Variants in EHD4 observed in about 807,000 individuals in gnomAD.
The protein encoded by EHD4 is EH domain-containing protein 4.
Under a neutral mutation model 51.0 loss-of-function variants are expected in EHD4, and 37 were observed. The ratio of observed to expected loss-of-function variants is 0.73; its 90% CI spans 0.56 to 0.95. The LOEUF (loss-of-function observed/expected upper bound fraction) is 0.95. EHD4 is among the 40% of genes least tolerant of loss of function. The probability of loss-of-function intolerance (pLI) is 0.00; values close to 1 mark genes in which losing one functional copy is unlikely to be tolerated. For synonymous variants in EHD4, 297 were observed against 317.3 expected, an observed-to-expected ratio of 0.94 and a Z score of 0.68; for missense variants, 632 against 733.1, an observed-to-expected ratio of 0.86 and a Z score of 1.59.
At chr15:41,955,761 T>G (rs1400625154) in intron 1 of EHD4, among the ~76,000 whole-genome samples, 3 of 152,202 alleles carry the variant, frequency 2.0e-5, no homozygotes, top group African/African-American at 7.2e-5. Flanking sequence ...ATGCCCACTC[T>G]GTGAAACTCC....
intron 2 of EHD4, among the ~76,000 whole-genome samples, chr15:41,951,588 C>T (rs562167737): frequency 6.6e-6 from 1 of 152,244 alleles, no homozygotes; most frequent in Non-Finnish European, 1.5e-5. Flanking sequence ...TTTGAAAAAA[C>T]TGGCAGCTTA....
chr15:41,926,820 C>G (rs1389068119), intron 3 of EHD4, among the ~76,000 whole-genome samples: 1 of 152,162 alleles, frequency 6.6e-6, no homozygotes, highest in Non-Finnish European at 1.5e-5. Flanking sequence ...TTCCCTGTCT[C>G]CACACCCTTG....
chr15:41,910,478 T>C (rs2067542348), intron 4 of EHD4, among the ~76,000 whole-genome samples: 2 of 152,304 alleles, frequency 1.3e-5, no homozygotes, highest in South Asian at 2.1e-4. Context: ...CAGGCTGTCA[T>C]TGGAGGGGCG....
rs969019697 is a variant in EHD4 at position 41,955,679 on chromosome 15, A to G, written c.237-1739T>C. ...ACCTCTGTATCCCTAATAGCCTAGA[A>G]ATGTTCGTGTTGATCAATTCTTACA... On this transcript the variant is annotated intron_variant, in intron 1 of 5. Transcript: ENST00000220325. Among the ~76,000 whole-genome samples, 3 of 152,174 alleles carry G rather than the reference A, an allele frequency of 2.0e-5. No individual in the cohort carries two copies. In the East Asian group the frequency reaches 5.8e-4, roughly 29 times the overall value.
chr15:41,947,741 C>A (rs2067824873), intron 2 of EHD4, among the ~76,000 whole-genome samples: 3 of 152,172 alleles, frequency 2.0e-5, no homozygotes, highest in African/African-American at 7.2e-5. Context: ...CCTGGTTGCC[C>A]TATTAGATTG....
In EHD4 at chr15:41,898,956, AAAGT is replaced by A. The variant is rs1460704649; in HGVS notation, c.*1685_*1688del. 6.6e-6 allele frequency: 1 copy of A among 152,228 alleles called. No homozygotes were observed. Among genetic ancestry groups the A allele is most frequent in the Non-Finnish European group, 1.5e-5 (1 of 68,030 alleles). The allele number at this position is 152,228 out of a possible 1,614,324, so 9.4% of individuals were successfully genotyped here. A position where few individuals can be genotyped will look rare whatever the true frequency, so the allele number is the denominator to read the frequency against. ...CTGCTCTTAAAACTAAATTATGTAG[AAAGT>A]AAGCTAGGGAGTGTAAGGGTAGGCA... On this transcript the variant is annotated 3_prime_UTR_variant, in exon 6 of 6. Coordinates refer to ENST00000220325, the MANE Select transcript of EHD4 (RefSeq NM_139265.4).
intron 2 of EHD4, among the ~76,000 whole-genome samples, chr15:41,951,221 G>A (rs1438492093): frequency 6.6e-6 from 1 of 152,174 alleles, no homozygotes; most frequent in African/African-American, 2.4e-5. Flanking sequence ...TGTCACAGGG[G>A]TTCTGTGAGG....
chr15:41,921,369 C>G (rs1046315550), intron 3 of EHD4: 1 of 152,150 alleles, frequency 6.6e-6, no homozygotes, highest in Non-Finnish European at 1.5e-5. Context: ...AGAGGAATAT[C>G]AAAGACCTAC....
chr15:41,902,432 C>T (rs960382744), intron 5 of EHD4, among the ~76,000 whole-genome samples: 3 of 152,134 alleles, frequency 2.0e-5, no homozygotes, highest in African/African-American at 4.8e-5. Context: ...CTGCACCAGC[C>T]CCTGTTCTGG....
Position 41,900,716 on chromosome 15 carries a change from C to T in EHD4, c.1555G>A (p.Glu519Lys), listed in dbSNP as rs747383299. The T allele has an allele frequency of 5.6e-6, 9 of 1,610,636 alleles. No individual in the cohort carries two copies. The highest frequency in any genetic ancestry group is 1.7e-5 in the Admixed American group (1 of 60,022). Residue 519 changes from glutamate (E) to lysine (K), a missense_variant, in exon 6 of 6, where the codon GAG becomes AAG. Transcript: ENST00000220325. This position sits in a 1 kb window ranked among gnomAD's most constrained non-coding sequence, Gnocchi z 4.8. ...HLIKIKLDGY[E>K]LPSSLPPHLV... ...TGGGGGGGCAGGCTGCTGGGCAGCT[C>T]GTAGCCGTCGAGCTTGATCTTGATG...
rs113217983 is a variant in EHD4, at chr15:41,951,141, C to T, written c.413+2623G>A. Among the ~76,000 whole-genome samples, 1,061 of 152,264 alleles carry T rather than the reference C, an allele frequency of 7.0e-3. 14 individuals carry two copies. The highest frequency in any genetic ancestry group is 0.024 in the African/African-American group (1,003 of 41,552). On this transcript the variant is annotated intron_variant, in intron 2 of 5. Coordinates refer to ENST00000220325, the MANE Select transcript of EHD4 (RefSeq NM_139265.4). Reference sequence around the variant, plus strand: ...AGCACTGATCTCACTGGTGGAGTGACCCCCAGAAATTAAAGTAACCTCTTT... The same window carrying T: ...AGCACTGATCTCACTGGTGGAGTGATCCCCAGAAATTAAAGTAACCTCTTT...
At chr15:41,934,491 T>C (rs79712585) in intron 3 of EHD4, among the ~76,000 whole-genome samples, 1,641 of 152,116 alleles carry the variant, frequency 0.011, 30 homozygotes, top group African/African-American at 0.037. Context: ...ATTTATTTTA[T>C]TTTTTGTGGA....
intron 5 of EHD4, among the ~76,000 whole-genome samples, chr15:41,903,900 C>A (rs148988807): frequency 6.6e-6 from 1 of 152,132 alleles, no homozygotes; most frequent in African/African-American, 2.4e-5. Context: ...TACTGCAGGC[C>A]GGGTCTCTCA....
chr15:41,929,794 A>C (rs1168681870), intron 3 of EHD4, among the ~76,000 whole-genome samples: 2 of 152,190 alleles, frequency 1.3e-5, no homozygotes, highest in Non-Finnish European at 2.9e-5. Flanking sequence ...TCCAAACAGT[A>C]AGCTTCTTTG....
intron 3 of EHD4, among the ~76,000 whole-genome samples, chr15:41,936,660 T>TA (rs1566822747): frequency 6.6e-6 from 1 of 152,220 alleles, no homozygotes; most frequent in Admixed American, 6.5e-5. Flanking sequence ...CAAGTTTAGA[T>TA]AAAAACAGTC....
chr15:41,913,873 T>A (rs1231735516), intron 4 of EHD4, among the ~76,000 whole-genome samples: 3 of 152,240 alleles, frequency 2.0e-5, no homozygotes, highest in Non-Finnish European at 4.4e-5. Context: ...CTAAGGCATC[T>A]AATGGGGATG....
At position 41,900,761 on chromosome 15, in the gene EHD4, A is replaced by C; in HGVS notation, c.1510T>G (p.Phe504Val). 1 of 1,611,902 alleles carries C rather than the reference A, an allele frequency of 6.2e-7. No homozygotes were observed. The highest frequency in any genetic ancestry group is 1.7e-4 in the Middle Eastern group (1 of 6,058). Reference protein sequence around the residue: ...DCDGMLDEEEFALAKHLIKIK... With the variant: ...DCDGMLDEEEVALAKHLIKIK... ...TTGATGAGGTGCTTGGCCAGCGCGA[A>C]CTCCTCCTCATCAAGCATGCCGTCG... Residue 504 changes from phenylalanine to valine, a missense_variant, in exon 6 of 6, where the codon TTC (phenylalanine) becomes GTC (valine). Transcript: ENST00000220325. This position sits in a 1 kb window ranked among gnomAD's most constrained non-coding sequence, Gnocchi z 4.8.
chr15:41,952,199 T>G (rs1311854008), intron 2 of EHD4, among the ~76,000 whole-genome samples: 2 of 152,266 alleles, frequency 1.3e-5, no homozygotes, highest in East Asian at 3.9e-4. Flanking sequence ...ATGGTGCCCC[T>G]GGAGCTGCGC....
intron 5 of EHD4, among the ~76,000 whole-genome samples, chr15:41,903,913 C>T (rs1285301190): frequency 6.6e-6 from 1 of 152,144 alleles, no homozygotes; most frequent in Non-Finnish European, 1.5e-5. Context: ...GTCTCTCAAA[C>T]GCAGTCACTA....
Sources: allele counts gnomAD v4.1 joint callset (sites outside exome capture counted in the v4.1 genomes callset), GRCh38; gene constraint gnomAD v4.1.1; non-coding constraint Gnocchi (gnomAD v3.1); transcripts MANE v1.5; gene names NCBI Gene and HGNC (gene_info 2026-07-23, HGNC 2026-07-21).